PHLDB2: variants seen among roughly 807,000 people sequenced by gnomAD.
PHLDB2 encodes pleckstrin homology-like domain family B member 2.
PHLDB2 carries 71 observed loss-of-function variants against 123.6 expected under a neutral mutation model. The ratio of observed to expected loss-of-function variants is 0.57; its 90% CI spans 0.47 to 0.70. The LOEUF is 0.70. Ranked by LOEUF, PHLDB2 falls within the 30% of genes least tolerant of loss-of-function variation. PHLDB2 has a pLI of 0.00. For missense variants in PHLDB2, 1,446 were observed against 1,519.5 expected (o/e 0.95, Z 0.80); for synonymous variants, 547 against 541.6 (o/e 1.01, Z -0.14).
In PHLDB2 at chr3:111,859,371, G is replaced by A; in HGVS notation, c.-220G>A. On this transcript the variant is annotated 5_prime_UTR_variant, in exon 1 of 18. Transcript: ENST00000431670. ...AGCCCCAACAGCAAACTGCCTGGGA[G>A]CGGGGCAGGTCACCAACTTCGTTGC... is the stretch of plus-strand genomic sequence containing the variant. The A allele has an allele frequency of 1.0e-6, 1 of 985,688 alleles. No homozygotes were observed. Among genetic ancestry groups the A allele is most frequent in the Non-Finnish European group, 1.2e-6 (1 of 830,118 alleles). The allele number at this position is 985,688 out of a possible 1,614,324, so 61.1% of individuals were successfully genotyped here. A position where few individuals can be genotyped will look rare whatever the true frequency, so the allele number is the denominator to read the frequency against.
chr3:111,777,156 G>GAA (rs145647179), intron 1 of PHLDB2, among the ~76,000 whole-genome samples: 40,294 of 150,296 alleles, frequency 0.27, 6,788 homozygotes, highest in African/African-American at 0.48. Context: ...ATTCTTACTA[G>GAA]AAAAAAAAAT....
intron 5 of PHLDB2, 110 bp from the exon 6 acceptor site, chr3:111,932,159 G>A: frequency 8.4e-7 from 1 of 1,193,438 alleles, no homozygotes; most frequent in South Asian, 1.6e-5. Context: ...TTCATAGATT[G>A]TCCAGAGTTT....
At chr3:111,873,788 T>G (rs562100598) in intron 1 of PHLDB2, among the ~76,000 whole-genome samples, 43 of 152,334 alleles carry the variant, frequency 2.8e-4, no homozygotes, top group Non-Finnish European at 4.7e-4. Flanking sequence ...ATCTCAGATT[T>G]TTTTTGTAGC....
chr3:111,921,726 C>T (rs2068516828), intron 5 of PHLDB2, among the ~76,000 whole-genome samples: 1 of 151,888 alleles, frequency 6.6e-6, no homozygotes, highest in Non-Finnish European at 1.5e-5. Flanking sequence ...CCTCAGCCTC[C>T]CAAGTAGCTG....
At chr3:111,914,211 GT>G (rs75482436) in intron 3 of PHLDB2, 2,185 of 137,470 alleles carry the variant, frequency 0.016, 84 homozygotes, top group South Asian at 0.14. Context: ...TATTTTCAGG[GT>G]TTTTTTTTTT....
chr3:111,898,699 G>A (rs975368109), intron 2 of PHLDB2, among the ~76,000 whole-genome samples: 2 of 152,168 alleles, frequency 1.3e-5, no homozygotes, highest in Admixed American at 6.5e-5. Context: ...TTTCAAAAAC[G>A]TTAACAGCAC....
intron 1 of PHLDB2, among the ~76,000 whole-genome samples, chr3:111,779,169 G>A (rs1453458300): frequency 6.6e-6 from 1 of 152,038 alleles, no homozygotes. Context: ...AAGAAGCACT[G>A]TTCTATAGTA....
In PHLDB2 at chr3:111,780,399, A is replaced by AGAAGAAGAAGAAGAAGGAG. The variant is rs1553726797; in HGVS notation, c.-49+47708_-49+47709insGAAGGAGGAAGAAGAAGAA. Among the ~76,000 whole-genome samples, 17 of 74,450 alleles carry AGAAGAAGAAGAAGAAGGAG rather than the reference A, an allele frequency of 2.3e-4. 1 individual carries two copies. Among genetic ancestry groups the AGAAGAAGAAGAAGAAGGAG allele is most frequent in the South Asian group, 1.0e-3 (2 of 1,986 alleles). 48.8% of individuals were successfully genotyped at this position (74,450 alleles called of 152,430 possible). A position where few individuals can be genotyped will look rare whatever the true frequency, so the allele number is the denominator to read the frequency against. On this transcript the variant is annotated intron_variant, in intron 1 of 17. Coordinates refer to the PHLDB2 transcript ENST00000393923. ...AAGAAGAAGAAGAAGAAGAAGAAGA[A>AGAAGAAGAAGAAGAAGGAG]GAAGAAGAAGAAAAAGATTAGTTCG...
intron 1 of PHLDB2, among the ~76,000 whole-genome samples, chr3:111,745,947 C>T (rs1263570539): frequency 6.6e-6 from 1 of 152,172 alleles, no homozygotes; most frequent in Non-Finnish European, 1.5e-5. Context: ...CAAACCTCTG[C>T]TGAGAGCACG....
intron 6 of PHLDB2, 139 bp from the exon 7 acceptor site, chr3:111,939,336 A>G: frequency 5.1e-6 from 4 of 787,122 alleles, no homozygotes; most frequent in Non-Finnish European, 7.6e-6. Flanking sequence ...ACTCCAAAAG[A>G]TAGTGTTATG....
intron 2 of PHLDB2, among the ~76,000 whole-genome samples, chr3:111,895,082 T>G (rs1371791162): frequency 6.6e-6 from 1 of 152,156 alleles, no homozygotes; most frequent in Non-Finnish European, 1.5e-5. Flanking sequence ...TGTCATACCT[T>G]TTTTCTTTCT....
intron 15 of PHLDB2, among the ~76,000 whole-genome samples, chr3:111,968,386 A>G (rs142653374): frequency 6.6e-6 from 1 of 152,186 alleles, no homozygotes; most frequent in Non-Finnish European, 1.5e-5. Flanking sequence ...CCTGTGCACA[A>G]GCTTGTTGTA....
chr3:111,968,107 C>T (rs561002538), intron 15 of PHLDB2, among the ~76,000 whole-genome samples: 1 of 152,174 alleles, frequency 6.6e-6, no homozygotes, highest in Admixed American at 6.5e-5. Flanking sequence ...CCACCCATTC[C>T]TTGGAGTACA....
At chr3:111,837,799 G>A (rs549233008) in intron 1 of PHLDB2, among the ~76,000 whole-genome samples, 2 of 152,314 alleles carry the variant, frequency 1.3e-5, no homozygotes, top group East Asian at 3.9e-4. Context: ...TTTCAGGACT[G>A]TGGAAGGCCA....
chr3:111,888,688 A>G (rs2066313439), intron 2 of PHLDB2, among the ~76,000 whole-genome samples: 1 of 152,194 alleles, frequency 6.6e-6, no homozygotes, highest in Non-Finnish European at 1.5e-5. Context: ...TGTCATTTCA[A>G]TAGAGATAAC....
At chr3:111,881,924 A>G (rs889203076) in intron 1 of PHLDB2, among the ~76,000 whole-genome samples, 6 of 152,134 alleles carry the variant, frequency 3.9e-5, no homozygotes, top group Admixed American at 2.0e-4. Context: ...TCAAGAGTCA[A>G]CTGAATAAGA....
In PHLDB2 at chr3:111,737,140, G is replaced by A. The variant is rs2059521065; in HGVS notation, c.-49+4437G>A. ...CTACAGTTACAGGAGGAAACCTTAT[G>A]CCCTAGGAATTCCATTTAAGTCCTA... is the stretch of plus-strand genomic sequence containing the variant. On this transcript the variant is annotated intron_variant, in intron 1 of 17. Transcript: ENST00000393923. 5.3e-5 allele frequency among the ~76,000 whole-genome samples: 8 copies of A among 152,184 alleles called. No individual in the cohort carries two copies. In the South Asian group the frequency reaches 1.4e-3, roughly 28 times the overall value.
intron 2 of PHLDB2, among the ~76,000 whole-genome samples, chr3:111,908,916 G>T (rs2067708753): frequency 6.6e-6 from 1 of 152,132 alleles, no homozygotes; most frequent in South Asian, 2.1e-4. Context: ...TCAGACCAGG[G>T]TTCCTGACTC....
chr3:111,893,351 A>G (rs1468297136), intron 2 of PHLDB2, among the ~76,000 whole-genome samples: 1 of 151,802 alleles, frequency 6.6e-6, no homozygotes. Context: ...TCCATTTGCT[A>G]CATCCTGAGT....
Sources: allele counts gnomAD v4.1 joint callset (sites outside exome capture counted in the v4.1 genomes callset), GRCh38; gene constraint gnomAD v4.1.1; transcripts MANE v1.5; gene names NCBI Gene and HGNC (gene_info 2026-07-23, HGNC 2026-07-21).